The following RANBP9 variants were observed in gnomAD, a reference collection of about 807,000 sequenced individuals.
The protein encoded by RANBP9 is RAN binding protein 9.
In RANBP9, 15 loss-of-function variants were observed where a neutral mutation model predicts 84.3. That is an observed-to-expected ratio of 0.18 (90% CI 0.12 to 0.27). RANBP9 has a LOEUF of 0.27. Among genes scored for constraint, RANBP9 ranks in the 10% least tolerant of loss-of-function variants. The probability of loss-of-function intolerance (pLI) is 1.00; values close to 1 mark genes in which losing one functional copy is unlikely to be tolerated. For synonymous variants in RANBP9, 392 were observed against 349.6 expected, an observed-to-expected ratio of 1.12 and a Z score of -1.35; for missense variants, 809 against 912.8, an observed-to-expected ratio of 0.89 and a Z score of 1.46.
rs577755810 is a variant in RANBP9 at position 13,633,037 on chromosome 6, A to T, written c.1796-516T>A. On this transcript the variant is annotated intron_variant, in intron 11 of 13. Coordinates refer to ENST00000011619, the MANE Select transcript of RANBP9 (RefSeq NM_005493.3). ...AGAAAAATACCACTTTGAAAAAATAATTTTTTTTTTTTTTGGATGGAGTCT... is the reference window on the plus strand; with the variant it reads ...AGAAAAATACCACTTTGAAAAAATATTTTTTTTTTTTTTTGGATGGAGTCT... Among the ~76,000 whole-genome samples the T allele has an allele frequency of 3.7e-3, 540 of 145,612 alleles. 1 individual carries two copies. The highest frequency in any genetic ancestry group is 0.013 in the African/African-American group (503 of 40,084).
chr6:13,668,938 T>C (rs1349780401), intron 2 of RANBP9, among the ~76,000 whole-genome samples: 1 of 152,026 alleles, frequency 6.6e-6, no homozygotes, highest in Non-Finnish European at 1.5e-5. Context: ...AAGCAAGAAA[T>C]AAGCATCCTC....
chr6:13,642,269 A>G (rs1409958121), intron 7 of RANBP9, among the ~76,000 whole-genome samples: 1 of 152,150 alleles, frequency 6.6e-6, no homozygotes, highest in African/African-American at 2.4e-5. Context: ...ACTTCTGTAA[A>G]ATCTCTCTAG....
At chr6:13,637,761 A>G (rs772984414) in intron 10 of RANBP9, 47 bp downstream of exon 10, 37 of 1,479,236 alleles carry the variant, frequency 2.5e-5, no homozygotes, top group East Asian at 2.1e-4. Context: ...GATTACACCT[A>G]TAACTAGGTT....
chr6:13,646,395 G>C (rs1157994449), intron 5 of RANBP9, among the ~76,000 whole-genome samples: 1 of 152,102 alleles, frequency 6.6e-6, no homozygotes, highest in Non-Finnish European at 1.5e-5. Context: ...GGCAACAAGA[G>C]TGAAACTCTG....
chr6:13,649,888 A>T lies in RANBP9; in HGVS notation c.927+2771T>A, dbSNP rs116925631. On this transcript the variant is annotated intron_variant, in intron 5 of 13. Coordinates refer to ENST00000011619, the MANE Select transcript of RANBP9 (RefSeq NM_005493.3). ...CTTGTCCAGGTCACCAACGACCTCTACTCTGCTAAGTACAATTGTCAATTC... is the reference window on the plus strand; with the variant it reads ...CTTGTCCAGGTCACCAACGACCTCTTCTCTGCTAAGTACAATTGTCAATTC... 8.3e-4 allele frequency among the ~76,000 whole-genome samples: 126 copies of T among 152,148 alleles called. 2 individuals are homozygous for T. The East Asian group carries it at 0.023, about 28-fold the overall frequency.
In RANBP9 at chr6:13,634,530, C is replaced by T. The variant is rs761404457; in HGVS notation, c.1696G>A (p.Asp566Asn). The change falls in exon 11 of 14, where the codon GAT becomes AAT. Residue 566 changes from aspartate (D) to asparagine (N), a missense_variant. By Grantham distance (23) the Asp-to-Asn change is conservative. Around this residue, in one of 5 missense-constraint regions of RANBP9, gnomAD observed 233 missense variants for 234.4 expected, o/e 0.99. Transcript: ENST00000011619. ...FTSNDVDMETDHYSNGVGETS... is the reference protein window; with the variant it reads ...FTSNDVDMETNHYSNGVGETS... ...TCTCCAACTCCATTGGAGTAGTGAT[C>T]TGTTTCCATGTCTACATCATTACTG... 3 of 1,612,786 alleles carry T rather than the reference C, an allele frequency of 1.9e-6. No homozygotes were observed. The South Asian group carries it at 3.3e-5, about 18-fold the overall frequency.
intron 2 of RANBP9, among the ~76,000 whole-genome samples, chr6:13,676,520 ATATCTCT>A (rs963077030): frequency 6.6e-6 from 1 of 152,178 alleles, no homozygotes; most frequent in East Asian, 1.9e-4. Context: ...CTGCAGACAA[ATATCTCT>A]TATGAACACA....
chr6:13,648,141 GTTTTTTTTTTTTTT>G (rs375219477), intron 5 of RANBP9, among the ~76,000 whole-genome samples: 3 of 80,646 alleles, frequency 3.7e-5, no homozygotes, highest in African/African-American at 1.4e-4. Flanking sequence ...TATATGACTG[GTTTTTTTTTTTTTT>G]TTTTTTTTTT....
At chr6:13,660,964 G>C (rs973638670) in intron 2 of RANBP9, among the ~76,000 whole-genome samples, 9 of 152,222 alleles carry the variant, frequency 5.9e-5, no homozygotes, top group East Asian at 3.9e-4. Flanking sequence ...CTGTGGACCT[G>C]CAAAGCTCTG....
intron 1 of RANBP9, among the ~76,000 whole-genome samples, chr6:13,697,155 C>T (rs1408188132): frequency 6.6e-6 from 1 of 152,042 alleles, no homozygotes; most frequent in Non-Finnish European, 1.5e-5. Context: ...ACCTAGCAGC[C>T]TTTTATGCAA....
chr6:13,634,022 C>G (rs976259473), intron 11 of RANBP9, among the ~76,000 whole-genome samples: 1 of 148,878 alleles, frequency 6.7e-6, no homozygotes, highest in Non-Finnish European at 1.5e-5. Flanking sequence ...CAAAGTCACA[C>G]ACGTTTACGT....
At chr6:13,681,584 CA>C (rs57354366) in intron 2 of RANBP9, among the ~76,000 whole-genome samples, 33 of 143,708 alleles carry the variant, frequency 2.3e-4, no homozygotes, top group Admixed American at 2.1e-4. Context: ...CTAAACCTCT[CA>C]AAAAAAAAAG....
intron 2 of RANBP9, among the ~76,000 whole-genome samples, chr6:13,687,026 AT>A (rs1404546793): frequency 6.6e-6 from 1 of 152,192 alleles, no homozygotes; most frequent in Non-Finnish European, 1.5e-5. Flanking sequence ...ACAAGAAGAA[AT>A]TGTTTTAAAA....
rs764570849 is a variant in RANBP9 at position 13,625,714 on chromosome 6, T to C, written c.1998A>G (p.Gly666=). 18 of 1,613,406 alleles carry C rather than the reference T, an allele frequency of 1.1e-5. No homozygotes were observed. Among genetic ancestry groups the C allele is most frequent in the Non-Finnish European group, 1.5e-5 (18 of 1,179,362 alleles). ...CTCTCTGAATCGGGTCAAGCTGATT[T>C]CCAACTGGGCTGTTCCAGGGATCTG... ...AYSDPWNSPV[G]NQLDPIQREP... Residue 666 remains glycine, a synonymous_variant, in exon 13 of 14, where the codon GGA becomes GGG. Coordinates refer to ENST00000011619, the MANE Select transcript of RANBP9 (RefSeq NM_005493.3).
In RANBP9 at chr6:13,694,870, T is replaced by C. The variant is rs6931094; in HGVS notation, c.683+1915A>G. Among the ~76,000 whole-genome samples, 507 of 152,232 alleles carry C rather than the reference T, an allele frequency of 3.3e-3. 2 individuals carry two copies. Among genetic ancestry groups the C allele is most frequent in the African/African-American group, 0.012 (493 of 41,536 alleles). ...ATAGTATATATAGAGTTCAGTACTA[T>C]CTGCAGTTTCAAGCATCCACAAAGG... On this transcript the variant is annotated intron_variant, in intron 2 of 13. Coordinates refer to ENST00000011619, the MANE Select transcript of RANBP9 (RefSeq NM_005493.3).
At chr6:13,710,615 T>C (rs1464229429) in intron 1 of RANBP9, among the ~76,000 whole-genome samples, 1 of 152,148 alleles carries the variant, frequency 6.6e-6, no homozygotes, top group African/African-American at 2.4e-5. Context: ...CCAAGATTTA[T>C]CTCCCAGGGA....
chr6:13,662,522 G>A (rs1217047601), intron 2 of RANBP9, among the ~76,000 whole-genome samples: 4 of 152,126 alleles, frequency 2.6e-5, no homozygotes, highest in Non-Finnish European at 5.9e-5. Flanking sequence ...TTATGAGATG[G>A]GGCCTCTGGG....
At chr6:13,650,317 T>G (rs1004583395) in intron 5 of RANBP9, among the ~76,000 whole-genome samples, 6 of 152,156 alleles carry the variant, frequency 3.9e-5, no homozygotes, top group Non-Finnish European at 8.8e-5. Flanking sequence ...CAAATATTCC[T>G]TGGCTTAAAA....
In RANBP9 at chr6:13,682,850, G is replaced by A. The variant is rs541668206; in HGVS notation, c.683+13935C>T. 2.4e-4 allele frequency among the ~76,000 whole-genome samples: 37 copies of A among 152,316 alleles called. No homozygotes were observed. In the South Asian group the frequency reaches 3.1e-3, roughly 13 times the overall value. ...AATGAGAGACTTTAAAACTGATTTG[G>A]AAACTCTGCAACTCATGAACTCACT... is the stretch of plus-strand genomic sequence containing the variant. On this transcript the variant is annotated intron_variant, in intron 2 of 13. Coordinates refer to ENST00000011619, the MANE Select transcript of RANBP9 (RefSeq NM_005493.3).
Sources: allele counts gnomAD v4.1 joint callset (sites outside exome capture counted in the v4.1 genomes callset), GRCh38; gene constraint gnomAD v4.1.1; regional missense constraint gnomAD v4.1.1; transcripts MANE v1.5; gene names NCBI Gene and HGNC (gene_info 2026-07-23, HGNC 2026-07-21).